Variants in CAMK4 observed in about 807,000 individuals in gnomAD.
CAMK4 encodes calcium/calmodulin dependent protein kinase IV, also known as calcium/calmodulin-dependent protein kinase type IV.
Under a neutral mutation model 44.9 loss-of-function variants are expected in CAMK4, and 22 were observed. The observed-to-expected ratio is 0.49, with a 90% CI of 0.35 to 0.70. CAMK4 has a LOEUF of 0.70. Among genes scored for constraint, CAMK4 ranks in the 30% least tolerant of loss-of-function variants. The pLI is 0.01. For synonymous variants in CAMK4, 218 were observed against 215.4 expected, an observed-to-expected ratio of 1.01 and a Z score of -0.11; for missense variants, 498 against 586.8, an observed-to-expected ratio of 0.85 and a Z score of 1.56.
chr5:111,352,770 A>G (rs1394815503), intron 2 of CAMK4, among the ~76,000 whole-genome samples: 25 of 152,018 alleles, frequency 1.6e-4, no homozygotes, highest in Admixed American at 1.6e-3. Context: ...GCATTAATCC[A>G]TTCATGGGAA....
rs186297036 is a variant in CAMK4, at chr5:111,308,275, A to G, written c.162-35749A>G. On this transcript the variant is annotated intron_variant, in intron 1 of 10. Coordinates refer to ENST00000282356, the MANE Select transcript of CAMK4 (RefSeq NM_001744.6). ...TAAAAAAATAAAATAAAATAAATGT[A>G]TCAAAACTAGTTCTTATTTTAAAAT... Among the ~76,000 whole-genome samples the G allele has an allele frequency of 5.3e-5, 8 of 152,198 alleles. No individual in the cohort carries two copies. In the East Asian group the frequency reaches 1.3e-3, roughly 26 times the overall value.
At chr5:111,250,681 C>T (rs536454334) in intron 1 of CAMK4, among the ~76,000 whole-genome samples, 12 of 152,146 alleles carry the variant, frequency 7.9e-5, no homozygotes, top group Non-Finnish European at 1.3e-4. Context: ...GTTTTACCAT[C>T]TTTCTTCTTC....
intron 1 of CAMK4, among the ~76,000 whole-genome samples, chr5:111,226,279 T>G (rs1250765500): frequency 6.6e-6 from 1 of 152,158 alleles, no homozygotes; most frequent in East Asian, 1.9e-4. Context: ...GGGAAAAAAA[T>G]AAACTGCCAA....
intron 2 of CAMK4, among the ~76,000 whole-genome samples, chr5:111,346,512 A>ATCTATCTATCTG (rs1166907768): frequency 1.4e-5 from 2 of 142,258 alleles, no homozygotes; most frequent in Non-Finnish European, 3.1e-5. Flanking sequence ...CTATCTATCT[A>ATCTATCTATCTG]TCTCCATCCA....
In CAMK4 at chr5:111,494,025, T is replaced by G. The variant is rs1333492269; in HGVS notation, c.*9559T>G. 6.6e-6 allele frequency: 1 copy of G among 152,202 alleles called. No individual in the cohort carries two copies. Among genetic ancestry groups the G allele is most frequent in the Non-Finnish European group, 1.5e-5 (1 of 68,038 alleles). 9.4% of individuals were successfully genotyped at this position (152,202 alleles called of 1,614,324 possible). Reference sequence around the variant, plus strand: ...TTATGTGACATTATCTGGATGTGTTTTCTAGTCTTTCCTAAAGGAGAAATT... The same window carrying G: ...TTATGTGACATTATCTGGATGTGTTGTCTAGTCTTTCCTAAAGGAGAAATT... On this transcript the variant is annotated 3_prime_UTR_variant, in exon 11 of 11. Coordinates refer to ENST00000282356, the MANE Select transcript of CAMK4 (RefSeq NM_001744.6).
chr5:111,469,479 C>T (rs1041794308), intron 7 of CAMK4, among the ~76,000 whole-genome samples: 2 of 152,006 alleles, frequency 1.3e-5, no homozygotes, highest in African/African-American at 2.4e-5. Flanking sequence ...CCCAGTGCTG[C>T]GACAGATCAG....
At chr5:111,309,681 C>T (rs918509887) in intron 1 of CAMK4, among the ~76,000 whole-genome samples, 11 of 152,052 alleles carry the variant, frequency 7.2e-5, no homozygotes, top group Admixed American at 2.0e-4. Context: ...TTTCCAGGTC[C>T]GGATCATGGT....
In CAMK4 at chr5:111,394,949, C is replaced by A. The variant is rs866893216; in HGVS notation, c.459+167C>A. ...ATAAGGTGGGCATGGTGGCTCAAGC[C>A]TGTAATCTCAGCACTTTGGGAGGCT... is the stretch of plus-strand genomic sequence containing the variant. On this transcript the variant is annotated intron_variant, in intron 5 of 10. Coordinates refer to ENST00000282356, the MANE Select transcript of CAMK4 (RefSeq NM_001744.6). Among the ~76,000 whole-genome samples the A allele has an allele frequency of 3.9e-5, 6 of 151,906 alleles. No individual in the cohort carries two copies. In the South Asian group the frequency reaches 1.0e-3, roughly 26 times the overall value.
chr5:111,332,007 G>T (rs1388126590), intron 1 of CAMK4, among the ~76,000 whole-genome samples: 1 of 151,594 alleles, frequency 6.6e-6, no homozygotes, highest in Non-Finnish European at 1.5e-5. Flanking sequence ...TTTTAAAAAT[G>T]AACAGTGATT....
At chr5:111,297,438 A>G (rs1003799010) in intron 1 of CAMK4, among the ~76,000 whole-genome samples, 14 of 152,196 alleles carry the variant, frequency 9.2e-5, no homozygotes, top group African/African-American at 3.4e-4. Context: ...TTCACCTCCA[A>G]TTGACATGAG....
At chr5:111,336,457 T>G (rs946315520) in intron 1 of CAMK4, among the ~76,000 whole-genome samples, 2 of 141,832 alleles carry the variant, frequency 1.4e-5, no homozygotes, top group Non-Finnish European at 3.1e-5. Context: ...GTCAACTATT[T>G]AATTTCAATT....
intron 1 of CAMK4, among the ~76,000 whole-genome samples, chr5:111,245,999 C>T (rs1253628337): frequency 6.6e-6 from 1 of 152,152 alleles, no homozygotes; most frequent in African/African-American, 2.4e-5. Context: ...CCATATAGAG[C>T]AGGGATTTCT....
At chr5:111,325,427 G>C in intron 1 of CAMK4, among the ~76,000 whole-genome samples, 1 of 152,172 alleles carries the variant, frequency 6.6e-6, no homozygotes, top group South Asian at 2.1e-4. Context: ...AGATCCTTGA[G>C]GGATTGCCAC....
chr5:111,468,186 G>A (rs1486355035), intron 7 of CAMK4, among the ~76,000 whole-genome samples: 1 of 152,044 alleles, frequency 6.6e-6, no homozygotes, highest in Non-Finnish European at 1.5e-5. Flanking sequence ...GGTGGGAGTG[G>A]GGTGAGGGAT....
chr5:111,261,135 G>T (rs1019752), intron 1 of CAMK4, among the ~76,000 whole-genome samples: 46,775 of 152,036 alleles, frequency 0.31, 7,493 homozygotes, highest in South Asian at 0.42. Flanking sequence ...CAATTTGGAT[G>T]TCATACACAG....
Position 111,374,488 on chromosome 5 carries a change from G to A in CAMK4, c.241-362G>A, listed in dbSNP as rs945998776. On this transcript the variant is annotated intron_variant, in intron 2 of 10. Transcript: ENST00000282356. ...GAGAAGGACAAGTGAAGTGATTGAC[G>A]GCTCCACTGGGGTTTAGACAGACTT... Among the ~76,000 whole-genome samples the A allele has an allele frequency of 1.3e-4, 20 of 152,182 alleles. 1 individual carries two copies. In the East Asian group the frequency reaches 1.5e-3, roughly 12 times the overall value.
At position 111,263,057 on chromosome 5, in the gene CAMK4, A is replaced by C. The variant is rs57174534; in HGVS notation, c.161+38413A>C. Among the ~76,000 whole-genome samples the C allele has an allele frequency of 7.9e-3, 1,200 of 152,352 alleles. 15 individuals carry two copies. The highest frequency in any genetic ancestry group is 0.028 in the African/African-American group (1,148 of 41,580). ...AGTGAATCATACTAAGCCAGAGGGC[A>C]GATAGCTGAAGAGAAAGGAAGTAGT... On this transcript the variant is annotated intron_variant, in intron 1 of 10. Coordinates refer to ENST00000282356, the MANE Select transcript of CAMK4 (RefSeq NM_001744.6).
At chr5:111,458,981 A>C (rs935711057) in intron 7 of CAMK4, among the ~76,000 whole-genome samples, 1 of 152,138 alleles carries the variant, frequency 6.6e-6, no homozygotes, top group African/African-American at 2.4e-5. Flanking sequence ...CAGGCTTGGG[A>C]CTTGTTAATT....
chr5:111,341,588 C>G (rs1749647683), intron 1 of CAMK4, among the ~76,000 whole-genome samples: 1 of 150,344 alleles, frequency 6.7e-6, no homozygotes, highest in South Asian at 2.1e-4. Flanking sequence ...AGGAATACAC[C>G]AAGAATTACA....
Sources: gnomAD v4.1 joint callset for allele counts (sites outside exome capture counted in the v4.1 genomes callset) on GRCh38, gnomAD v4.1.1 for gene constraint, MANE v1.5 for transcripts, NCBI Gene and HGNC (gene_info 2026-07-23, HGNC 2026-07-21) for gene names.